The following NT5C2 variants were observed in gnomAD, a reference collection of about 807,000 sequenced individuals.
NT5C2 encodes 5'-nucleotidase, cytosolic II, also known as cytosolic purine 5'-nucleotidase.
In NT5C2, 58 loss-of-function variants were observed where a neutral mutation model predicts 76.1. The observed-to-expected ratio is 0.76, with a 90% confidence interval of 0.62 to 0.95. The LOEUF is 0.95. NT5C2 is among the 40% of genes least tolerant of loss of function. NT5C2 has a pLI of 0.00. For synonymous variants in NT5C2, 229 were observed against 237.4 expected (o/e 0.96, Z 0.32); for missense variants, 478 against 690.3 (o/e 0.69, Z 3.45).
At chr10:103,149,528 T>C (rs946261245) in intron 3 of NT5C2, among the ~76,000 whole-genome samples, 6 of 152,168 alleles carry the variant, frequency 3.9e-5, no homozygotes, top group Non-Finnish European at 7.4e-5. Context: ...TCTAAGAATA[T>C]ATTTACTATT....
chr10:103,159,251 G>GCGCA (rs1555024571), intron 3 of NT5C2, among the ~76,000 whole-genome samples: 5 of 133,286 alleles, frequency 3.8e-5, no homozygotes, highest in South Asian at 2.5e-4. Flanking sequence ...TCCAAAACAT[G>GCGCA]CACACACACA....
chr10:103,090,693 C>T lies in NT5C2; in HGVS notation c.1367G>A (p.Arg456His), dbSNP rs1030219633. ...AGATGCTGCATAGAGGTCAGCATAACGCATCACTTGACTGGCAAAAAGGGT... is the reference window on the plus strand; with the variant it reads ...AGATGCTGCATAGAGGTCAGCATAATGCATCACTTGACTGGCAAAAAGGGT... ...RQTLFASQVM[R>H]YADLYAASFI... Residue 456 changes from arginine to histidine, a missense_variant, in exon 18 of 19, where the codon CGT (arginine) becomes CAT (histidine). Physicochemically the swap from Arg to His is conservative, Grantham distance 29. Transcript: ENST00000404739. 6.2e-7 allele frequency: 1 copy of T among 1,614,142 alleles called. No individual in the cohort carries two copies. Among genetic ancestry groups the T allele is most frequent in the Non-Finnish European group, 8.5e-7 (1 of 1,180,022 alleles).
At chr10:103,169,035 G>T (rs867874444) in intron 3 of NT5C2, among the ~76,000 whole-genome samples, 1 of 151,948 alleles carries the variant, frequency 6.6e-6, no homozygotes, top group African/African-American at 2.4e-5. Context: ...ATTAACAAAA[G>T]CAAATACTGT....
intron 1 of NT5C2, among the ~76,000 whole-genome samples, chr10:103,189,682 A>T (rs1453720264): frequency 6.8e-6 from 1 of 146,306 alleles, no homozygotes; most frequent in Non-Finnish European, 1.5e-5. Flanking sequence ...TGTTTACTGA[A>T]TTTTTTTTTT....
At chr10:103,089,976 C>T (rs2066275972) in intron 18 of NT5C2, 68 bp from the exon 19 acceptor site, 1 of 1,305,572 alleles carries the variant, frequency 7.7e-7, no homozygotes, top group East Asian at 2.4e-5. Context: ...AAATCCTAAC[C>T]CCTCTCCTCT....
Position 103,101,103 on chromosome 10 carries a change from C to T in NT5C2, c.482-1G>A. 1.3e-6 allele frequency: 2 copies of T among 1,594,072 alleles called. No homozygotes were observed. Among genetic ancestry groups the T allele is most frequent in the Non-Finnish European group, 1.7e-6 (2 of 1,162,070 alleles). On this transcript the variant is annotated splice_acceptor_variant, in intron 7 of 18. Coordinates refer to ENST00000404739, the MANE Select transcript of NT5C2 (RefSeq NM_001351169.2). LOFTEE classifies it high-confidence loss of function. ...ACTAGGCAGGCCAACAGGTAGGTCTCTGAAAAATGAAGAACAGATATTCAT... is the reference window on the plus strand; with the variant it reads ...ACTAGGCAGGCCAACAGGTAGGTCTTTGAAAAATGAAGAACAGATATTCAT...
At chr10:103,151,779 A>G (rs1330598398) in intron 3 of NT5C2, among the ~76,000 whole-genome samples, 1 of 152,138 alleles carries the variant, frequency 6.6e-6, no homozygotes, top group East Asian at 1.9e-4. Context: ...AATTTTTTTC[A>G]TCCCCAAGCA....
chr10:103,136,781 C>A (rs930993783), intron 4 of NT5C2, among the ~76,000 whole-genome samples: 4 of 152,028 alleles, frequency 2.6e-5, no homozygotes, highest in Non-Finnish European at 5.9e-5. Context: ...CGTACCACCA[C>A]ACCCAACTAA....
intron 4 of NT5C2, among the ~76,000 whole-genome samples, chr10:103,108,152 C>T (rs2071885588): frequency 6.6e-6 from 1 of 150,902 alleles, no homozygotes; most frequent in African/African-American, 2.4e-5. Context: ...GAGACTGTCT[C>T]AAAAAGAAAA....
intron 3 of NT5C2, among the ~76,000 whole-genome samples, chr10:103,150,649 CCA>C (rs2082241045): frequency 6.6e-6 from 1 of 152,290 alleles, no homozygotes; most frequent in Non-Finnish European, 1.5e-5. Context: ...TACCATTGCT[CCA>C]CAGTCAGTGT....
intron 4 of NT5C2, among the ~76,000 whole-genome samples, chr10:103,136,626 A>ATTT (rs71019660): frequency 1.4e-5 from 2 of 143,070 alleles, no homozygotes; most frequent in South Asian, 2.3e-4. Context: ...TCAGTTAATT[A>ATTT]TTTTTTTTTT....
chr10:103,173,089 T>C (rs1376356636), intron 3 of NT5C2, among the ~76,000 whole-genome samples: 1 of 152,002 alleles, frequency 6.6e-6, no homozygotes, highest in Non-Finnish European at 1.5e-5. Flanking sequence ...GTTCAAGCAA[T>C]CCTCCTGCTT....
At chr10:103,192,284 A>C (rs2092696228) in intron 1 of NT5C2, among the ~76,000 whole-genome samples, 2 of 151,298 alleles carry the variant, frequency 1.3e-5, no homozygotes, top group South Asian at 2.1e-4. Flanking sequence ...GCGCGCACAC[A>C]CCCCCCTGTA....
At chr10:103,188,497 G>C (rs2092313955) in intron 1 of NT5C2, among the ~76,000 whole-genome samples, 1 of 152,188 alleles carries the variant, frequency 6.6e-6, no homozygotes, top group Admixed American at 6.5e-5. Flanking sequence ...AGGTAGGGAA[G>C]ACTTTCTTGC....
At chr10:103,090,323 T>TC in intron 18 of NT5C2, 3 of 373,050 alleles carry the variant, frequency 8.0e-6, no homozygotes, top group Non-Finnish European at 1.4e-5. Context: ...GCTCAATCAA[T>TC]CCTCCCACCT....
At chr10:103,133,293 G>A (rs1163245) in intron 4 of NT5C2, among the ~76,000 whole-genome samples, 31 of 152,058 alleles carry the variant, frequency 2.0e-4, no homozygotes, top group African/African-American at 7.2e-4. Flanking sequence ...TTGAAATGGA[G>A]TTTTGCTCTT....
chr10:103,174,931 G>A lies in NT5C2; in HGVS notation c.28C>T (p.Gln10Ter). The change falls in exon 3 of 19, where the codon CAG (glutamine) becomes TAG (stop). Residue 10 changes from glutamine to a stop codon, truncating the protein, a stop_gained. Coordinates refer to ENST00000404739, the MANE Select transcript of NT5C2 (RefSeq NM_001351169.2). LOFTEE classifies it high-confidence loss of function. MSTSWSDRL[Q>*]NAADMPANMD... ...TTAGCAGGCATATCTGCTGCATTCT[G>A]TAACCGATCACTCCAGGAGGTTGAC... is the stretch of plus-strand genomic sequence containing the variant. The A allele has an allele frequency of 6.2e-7, 1 of 1,612,302 alleles. No individual in the cohort carries two copies. The highest frequency in any genetic ancestry group is 8.5e-7 in the Non-Finnish European group (1 of 1,178,482).
chr10:103,160,727 AG>A (rs2084638213), intron 3 of NT5C2, among the ~76,000 whole-genome samples: 1 of 152,330 alleles, frequency 6.6e-6, no homozygotes, highest in African/African-American at 2.4e-5. Context: ...ATAATTAAAA[AG>A]GCAGGGCCAG....
At chr10:103,187,992 T>C (rs922297175) in intron 1 of NT5C2, among the ~76,000 whole-genome samples, 6 of 152,242 alleles carry the variant, frequency 3.9e-5, no homozygotes, top group Non-Finnish European at 7.3e-5. Flanking sequence ...TATGAATTTA[T>C]AGAGCATAAT....
Sources: allele counts gnomAD v4.1 joint callset (sites outside exome capture counted in the v4.1 genomes callset), GRCh38; gene constraint gnomAD v4.1.1; transcripts MANE v1.5; gene names NCBI Gene and HGNC (gene_info 2026-07-23, HGNC 2026-07-21).